The following PPP3CA variants were observed in gnomAD, a reference collection of about 807,000 sequenced individuals.
PPP3CA encodes the protein protein phosphatase 3 catalytic subunit alpha.
Under a neutral mutation model 66.5 loss-of-function variants are expected in PPP3CA, and 14 were observed. The observed-to-expected ratio is 0.21, with a 90% CI of 0.14 to 0.33. PPP3CA has a LOEUF of 0.33. Among genes scored for constraint, PPP3CA ranks in the 10% least tolerant of loss-of-function variants. PPP3CA has a pLI of 1.00. For missense variants in PPP3CA, 317 were observed against 639.5 expected, an observed-to-expected ratio of 0.50 and a Z score of 5.44; for synonymous variants, 232 against 226.2, an observed-to-expected ratio of 1.03 and a Z score of -0.23.
At chr4:101,027,172 C>CCAAT in intron 13 of PPP3CA, among the ~76,000 whole-genome samples, 1 of 151,982 alleles carries the variant, frequency 6.6e-6, no homozygotes, top group East Asian at 1.9e-4. Context: ...TATTTCAGGG[C>CCAAT]CAATCACCAA....
rs183771386 is a variant in PPP3CA, at chr4:101,197,113, T to C, written c.59-997A>G. On this transcript the variant is annotated intron_variant, in intron 1 of 13. Transcript: ENST00000394854. ...AGCATAAACATCATCCCATGTATCT[T>C]TCATGTGCCGTGTGCATTATGAAAC... Among the ~76,000 whole-genome samples the C allele has an allele frequency of 3.9e-5, 6 of 152,230 alleles. 1 individual carries two copies. The highest frequency in any genetic ancestry group is 5.9e-5 in the Non-Finnish European group (4 of 68,042).
chr4:101,287,910 A>T, intron 1 of PPP3CA, among the ~76,000 whole-genome samples: 1 of 152,124 alleles, frequency 6.6e-6, no homozygotes, highest in Non-Finnish European at 1.5e-5. Flanking sequence ...AATAAAATAC[A>T]GTTTTCAACA....
intron 1 of PPP3CA, among the ~76,000 whole-genome samples, chr4:101,309,244 G>A (rs1728642321): frequency 6.6e-6 from 1 of 152,134 alleles, no homozygotes; most frequent in African/African-American, 2.4e-5. Context: ...GAACAGAAAG[G>A]AAACAAAACG....
intron 2 of PPP3CA, among the ~76,000 whole-genome samples, chr4:101,176,691 G>A (rs1724070391): frequency 6.6e-6 from 1 of 152,140 alleles, no homozygotes; most frequent in Admixed American, 6.5e-5. Flanking sequence ...TGGGGCAAAT[G>A]ACTAACCCTT....
chr4:101,061,032 G>A (rs1728438932), intron 10 of PPP3CA, 55 bp downstream of exon 10: 2 of 1,384,374 alleles, frequency 1.4e-6, no homozygotes. Flanking sequence ...TTAGCAATGA[G>A]ACTCTAAGTA....
At chr4:101,286,913 G>A (rs1727862626) in intron 1 of PPP3CA, among the ~76,000 whole-genome samples, 1 of 152,030 alleles carries the variant, frequency 6.6e-6, no homozygotes, top group Non-Finnish European at 1.5e-5. Flanking sequence ...AGCTGCAGCA[G>A]CCCAGGATCA....
intron 1 of PPP3CA, among the ~76,000 whole-genome samples, chr4:101,275,146 CGAA>C (rs1727449875): frequency 6.6e-6 from 1 of 152,144 alleles, no homozygotes; most frequent in Non-Finnish European, 1.5e-5. Flanking sequence ...ATTCTTGCCA[CGAA>C]GAACATCTTT....
chr4:101,080,664 G>C, intron 7 of PPP3CA, 38 bp from the exon 8 acceptor site: 1 of 1,241,864 alleles, frequency 8.1e-7, no homozygotes, highest in South Asian at 1.9e-5. Context: ...AAGCTTGTAT[G>C]GAAAAAAGAT....
intron 2 of PPP3CA, among the ~76,000 whole-genome samples, chr4:101,118,114 T>C (rs1474721253): frequency 6.6e-6 from 1 of 152,060 alleles, no homozygotes; most frequent in South Asian, 2.1e-4. Context: ...CCTATGTTTC[T>C]AGGGCTTTTA....
In PPP3CA at chr4:101,333,505, T is replaced by A. The variant is rs1330534018; in HGVS notation, c.58+13234A>T. ...TCATACTTAATAGGAAGACAATCTA[T>A]AATTAAAATCGTCCCTGTTGATTGG... On this transcript the variant is annotated intron_variant, in intron 1 of 13. Coordinates refer to ENST00000394854, the MANE Select transcript of PPP3CA (RefSeq NM_000944.5). Among the ~76,000 whole-genome samples the A allele has an allele frequency of 2.0e-5, 3 of 152,060 alleles. No homozygotes were observed. In the East Asian group the frequency reaches 5.8e-4, roughly 29 times the overall value.
At chr4:101,057,146 C>T (rs1370213943) in intron 10 of PPP3CA, among the ~76,000 whole-genome samples, 2 of 151,978 alleles carry the variant, frequency 1.3e-5, no homozygotes, top group Non-Finnish European at 2.9e-5. Flanking sequence ...CCTCTGTCTC[C>T]CGGGTTCAAG....
At chr4:101,132,064 A>G (rs529353327) in intron 2 of PPP3CA, among the ~76,000 whole-genome samples, 35 of 152,348 alleles carry the variant, frequency 2.3e-4, no homozygotes, top group Admixed American at 2.1e-3. Flanking sequence ...ATGAGAACAA[A>G]GACACAATGT....
At chr4:101,192,522 C>T (rs1276322720) in intron 2 of PPP3CA, among the ~76,000 whole-genome samples, 2 of 152,062 alleles carry the variant, frequency 1.3e-5, no homozygotes, top group South Asian at 2.1e-4. Context: ...CCATCTCCAC[C>T]CCACCTCTCA....
chr4:101,275,060 G>T (rs1007781637), intron 1 of PPP3CA, among the ~76,000 whole-genome samples: 2 of 152,022 alleles, frequency 1.3e-5, no homozygotes, highest in South Asian at 2.1e-4. Flanking sequence ...ATTTAACATG[G>T]CAGAAAGTCT....
intron 4 of PPP3CA, 143 bp from the exon 5 acceptor site, chr4:101,098,655 A>G: frequency 1.5e-6 from 1 of 651,420 alleles, no homozygotes; most frequent in Non-Finnish European, 2.5e-6. Flanking sequence ...AAACATAATT[A>G]AGATTTTCTG....
intron 1 of PPP3CA, among the ~76,000 whole-genome samples, chr4:101,317,111 G>A (rs920050307): frequency 1.3e-5 from 2 of 151,656 alleles, no homozygotes; most frequent in East Asian, 1.9e-4. Context: ...AAACCTTCCC[G>A]GCTTCCCACA....
intron 1 of PPP3CA, among the ~76,000 whole-genome samples, chr4:101,216,242 A>G (rs539630759): frequency 4.8e-4 from 73 of 152,258 alleles, no homozygotes; most frequent in African/African-American, 1.7e-3. Flanking sequence ...CCTGTAAGGG[A>G]AAATAGTAAC....
chr4:101,280,486 G>T (rs2110277245), intron 1 of PPP3CA, among the ~76,000 whole-genome samples: 1 of 152,232 alleles, frequency 6.6e-6, no homozygotes, highest in Non-Finnish European at 1.5e-5. Flanking sequence ...TTGTATATAT[G>T]AGACTAGAGG....
chr4:101,042,832 T>A (rs79648068), intron 10 of PPP3CA, among the ~76,000 whole-genome samples: 9,434 of 149,108 alleles, frequency 0.063, 336 homozygotes, highest in African/African-American at 0.093. Context: ...TAAAGTGGGA[T>A]GGCAAATAGT....
Sources: gnomAD v4.1 joint callset for allele counts (sites outside exome capture counted in the v4.1 genomes callset) on GRCh38, gnomAD v4.1.1 for gene constraint, MANE v1.5 for transcripts, NCBI Gene and HGNC (gene_info 2026-07-23, HGNC 2026-07-21) for gene names.